SIRT5: variants seen among roughly 807,000 people sequenced by gnomAD.
SIRT5 encodes NAD-dependent protein deacylase sirtuin-5, mitochondrial.
Under a neutral mutation model 40.0 loss-of-function variants are expected in SIRT5, and 26 were observed. The ratio of observed to expected loss-of-function variants is 0.65; its 90% CI spans 0.48 to 0.90. The LOEUF is 0.90. Among genes scored for constraint, SIRT5 ranks in the 40% least tolerant of loss-of-function variants. The pLI, the probability that SIRT5 is intolerant of heterozygous loss-of-function variation, is 0.00. For synonymous variants in SIRT5, 146 were observed against 149.1 expected (o/e 0.98, Z 0.15); for missense variants, 401 against 402.4 (o/e 1.00, Z 0.03).
Position 13,600,915 on chromosome 6 carries a change from A to C in SIRT5, c.823A>C (p.Asn275His). The C allele has an allele frequency of 6.2e-7, 1 of 1,614,108 alleles. No individual in the cohort carries two copies. Among genetic ancestry groups the C allele is most frequent in the Non-Finnish European group, 8.5e-7 (1 of 1,180,020 alleles). Residue 275 changes from asparagine (N) to histidine (H), a missense_variant, in exon 9 of 10, where the codon AAC (asparagine) becomes CAC (histidine). Transcript: ENST00000606117. Reference protein sequence around the residue: ...AARGVPVAEFNTETTPATNRF... With the variant: ...AARGVPVAEFHTETTPATNRF... ...CAGGGGCGTGCCAGTGGCTGAATTT[A>C]ACACGGAGACCACCCCAGCTACGAA...
chr6:13,603,432 A>G (rs1184443213), intron 9 of SIRT5, among the ~76,000 whole-genome samples: 1 of 152,222 alleles, frequency 6.6e-6, no homozygotes, highest in African/African-American at 2.4e-5. Flanking sequence ...ACCAGGTCAA[A>G]ATATTTGAAA....
At chr6:13,606,262 C>T (rs1252457002) in intron 9 of SIRT5, among the ~76,000 whole-genome samples, 1 of 152,120 alleles carries the variant, frequency 6.6e-6, no homozygotes, top group Non-Finnish European at 1.5e-5. Context: ...AGAGGCCCCT[C>T]AGTGTGGCTG....
chr6:13,591,788 G>T lies in SIRT5; in HGVS notation c.369G>T (p.Glu123Asp), dbSNP rs567756394. 16 of 1,614,196 alleles carry T rather than the reference G, an allele frequency of 9.9e-6. No homozygotes were observed. In the South Asian group the frequency reaches 1.6e-4, roughly 17 times the overall value. Residue 123 changes from glutamate (E) to aspartate (D), a missense_variant, in exon 5 of 10, where the codon GAG becomes GAT. Transcript: ENST00000606117. ...EPNAGHRAIA[E>D]CETRLGKQGR... ...ACGCCGGGCACCGCGCCATAGCCGA[G>T]TGTGAGACCCGGCTGGGCAAGCAGG... is the stretch of plus-strand genomic sequence containing the variant.
intron 9 of SIRT5, chr6:13,604,425 G>C: frequency 9.2e-7 from 1 of 1,088,732 alleles, no homozygotes. Flanking sequence ...TTGTGAAGCA[G>C]GACCTGAGCT....
intron 9 of SIRT5, among the ~76,000 whole-genome samples, chr6:13,609,956 A>G (rs2841517): frequency 0.54 from 82,209 of 151,838 alleles, 22,780 homozygotes; most frequent in Admixed American, 0.65. Flanking sequence ...CCTAAACTCT[A>G]GGCATGAGGG....
In SIRT5 at chr6:13,583,878, G is replaced by A. The variant is rs1016718272; in HGVS notation, c.-35-198G>A. 2.6e-5 allele frequency among the ~76,000 whole-genome samples: 4 copies of A among 152,068 alleles called. No homozygotes were observed. The South Asian group carries it at 6.2e-4, about 24-fold the overall frequency. ...TCTAGGAGCACTTGAGAACACAAAC[G>A]GAAAACAGCCAGTTCAGAGGATGAT... On this transcript the variant is annotated intron_variant, in intron 2 of 9. Transcript: ENST00000606117.
At chr6:13,602,971 C>T (rs1340055754) in intron 9 of SIRT5, among the ~76,000 whole-genome samples, 2 of 152,084 alleles carry the variant, frequency 1.3e-5, no homozygotes, top group Admixed American at 6.5e-5. Flanking sequence ...TGGGTACCAT[C>T]GATTAAGTAA....
At chr6:13,603,465 A>G (rs1188866404) in intron 9 of SIRT5, among the ~76,000 whole-genome samples, 1 of 152,226 alleles carries the variant, frequency 6.6e-6, no homozygotes, top group East Asian at 1.9e-4. Context: ...AAATATATAC[A>G]CATGGCCAAT....
chr6:13,580,545 G>A (rs143602564), intron 2 of SIRT5, among the ~76,000 whole-genome samples: 1 of 152,204 alleles, frequency 6.6e-6, no homozygotes, highest in African/African-American at 2.4e-5. Flanking sequence ...CAAAAACTAT[G>A]TAGCCTTTTG....
At chr6:13,586,507 T>C (rs1200616685) in intron 3 of SIRT5, among the ~76,000 whole-genome samples, 1 of 152,200 alleles carries the variant, frequency 6.6e-6, no homozygotes, top group African/African-American at 2.4e-5. Flanking sequence ...GGGAATCTTT[T>C]CCCCCTTGTT....
intron 5 of SIRT5, among the ~76,000 whole-genome samples, chr6:13,593,252 C>T (rs1001658175): frequency 6.6e-6 from 1 of 152,160 alleles, no homozygotes; most frequent in Non-Finnish European, 1.5e-5. Flanking sequence ...AAGCAGTGCA[C>T]CAGTCGGGGG....
At chr6:13,590,547 A>C (rs1255510621) in intron 4 of SIRT5, among the ~76,000 whole-genome samples, 1 of 114,522 alleles carries the variant, frequency 8.7e-6, no homozygotes, top group African/African-American at 2.9e-5. Context: ...GTGTATGTAG[A>C]TGTAATTGTG....
intron 9 of SIRT5, among the ~76,000 whole-genome samples, chr6:13,606,806 C>T (rs1763176643): frequency 6.6e-6 from 1 of 152,068 alleles, no homozygotes; most frequent in Non-Finnish European, 1.5e-5. Flanking sequence ...CTAAGCCTCC[C>T]GAGTAGCTGG....
intron 2 of SIRT5, among the ~76,000 whole-genome samples, chr6:13,582,862 C>T (rs931958484): frequency 2.0e-5 from 3 of 152,184 alleles, no homozygotes; most frequent in African/African-American, 7.2e-5. Context: ...TGTCACAGTA[C>T]ACTTCTTTCC....
At chr6:13,577,931 G>C (rs972131141) in intron 1 of SIRT5, among the ~76,000 whole-genome samples, 3 of 152,004 alleles carry the variant, frequency 2.0e-5, no homozygotes, top group African/African-American at 7.2e-5. Flanking sequence ...TTTTACCGTT[G>C]AGTATGATTT....
intron 7 of SIRT5, among the ~76,000 whole-genome samples, chr6:13,598,801 G>A (rs1334019651): frequency 6.7e-6 from 1 of 149,634 alleles, no homozygotes; most frequent in Non-Finnish European, 1.5e-5. Context: ...ACTTCCGCCT[G>A]GGCAGCAGAG....
In SIRT5 at chr6:13,611,906, T is replaced by C; in HGVS notation, c.*41T>C. ...AAGAAATTACAGTATATCTAAGAAC[T>C]AGGCCACACGCAGAGGAGAAATGGT... On this transcript the variant is annotated 3_prime_UTR_variant, in exon 10 of 10. Coordinates refer to ENST00000606117, the MANE Select transcript of SIRT5 (RefSeq NM_012241.5). 6.3e-7 allele frequency: 1 copy of C among 1,585,858 alleles called. No homozygotes were observed. The highest frequency in any genetic ancestry group is 1.7e-5 in the Admixed American group (1 of 59,922).
intron 9 of SIRT5, among the ~76,000 whole-genome samples, chr6:13,601,606 T>C (rs1011175914): frequency 1.3e-5 from 2 of 152,156 alleles, no homozygotes; most frequent in East Asian, 1.9e-4. Context: ...AGTAAATTAA[T>C]ATAAATGAAT....
chr6:13,575,032 G>C (rs1165765329), intron 1 of SIRT5, among the ~76,000 whole-genome samples: 1 of 152,166 alleles, frequency 6.6e-6, no homozygotes, highest in Non-Finnish European at 1.5e-5. Flanking sequence ...TGAGCAGCTT[G>C]GCTATGGGGC....
Sources: allele counts gnomAD v4.1 joint callset (sites outside exome capture counted in the v4.1 genomes callset), GRCh38; gene constraint gnomAD v4.1.1; transcripts MANE v1.5; gene names NCBI Gene and HGNC (gene_info 2026-07-23, HGNC 2026-07-21).